ASIC2: variants seen among roughly 807,000 people sequenced by gnomAD.
ASIC2 encodes the protein acid-sensing ion channel 2.
In ASIC2, 25 loss-of-function variants were observed where a neutral mutation model predicts 57.3. The observed-to-expected ratio is 0.44, with a 90% CI of 0.32 to 0.61. ASIC2 has a LOEUF of 0.61. Among genes scored for constraint, ASIC2 ranks in the 20% least tolerant of loss-of-function variants. ASIC2 has a pLI of 0.06. For missense variants in ASIC2, 641 were observed against 738.1 expected, an observed-to-expected ratio of 0.87 and a Z score of 1.52; for synonymous variants, 319 against 307.5, an observed-to-expected ratio of 1.04 and a Z score of -0.39.
intron 1 of ASIC2, among the ~76,000 whole-genome samples, chr17:34,015,262 G>C (rs924156645): frequency 1.1e-4 from 17 of 151,956 alleles, no homozygotes; most frequent in African/African-American, 4.1e-4. Flanking sequence ...TGACAGAAAG[G>C]CTCTTACTTC....
intron 1 of ASIC2, among the ~76,000 whole-genome samples, chr17:34,113,812 C>T (rs1169639494): frequency 6.6e-6 from 1 of 151,800 alleles, no homozygotes; most frequent in Non-Finnish European, 1.5e-5. Flanking sequence ...GAGTTTGAGG[C>T]TGCAGTGAGC....
chr17:33,141,870 C>T (rs1904326575), intron 1 of ASIC2, among the ~76,000 whole-genome samples: 2 of 152,188 alleles, frequency 1.3e-5, no homozygotes, highest in African/African-American at 4.8e-5. Flanking sequence ...CTTGTGCTTT[C>T]TTAAAAACAC....
intron 1 of ASIC2, among the ~76,000 whole-genome samples, chr17:33,160,465 G>A (rs755993507): frequency 3.3e-5 from 5 of 152,114 alleles, no homozygotes; most frequent in African/African-American, 4.8e-5. Flanking sequence ...CTGTGCTTAC[G>A]TTCTGCCTTG....
chr17:33,464,518 T>C (rs1470011608), intron 1 of ASIC2, among the ~76,000 whole-genome samples: 21 of 40,758 alleles, frequency 5.2e-4, no homozygotes, highest in African/African-American at 1.2e-3. Flanking sequence ...CTTTCTTTCT[T>C]TCTTTCTTTC....
At chr17:34,028,278 T>C (rs1033853478) in intron 1 of ASIC2, among the ~76,000 whole-genome samples, 2 of 152,162 alleles carry the variant, frequency 1.3e-5, no homozygotes, top group African/African-American at 4.8e-5. Flanking sequence ...TGGACCCCAG[T>C]CCTGCTCATT....
chr17:33,509,982 G>A (rs1334459187), intron 1 of ASIC2, among the ~76,000 whole-genome samples: 1 of 152,194 alleles, frequency 6.6e-6, no homozygotes, highest in Non-Finnish European at 1.5e-5. Flanking sequence ...TACTGTAGTG[G>A]GGTTATGGAA....
At chr17:33,048,453 C>T (rs373360823) in intron 3 of ASIC2, among the ~76,000 whole-genome samples, 5 of 152,294 alleles carry the variant, frequency 3.3e-5, no homozygotes, top group African/African-American at 7.2e-5. Context: ...CACACTTGAA[C>T]GTATCTCTCA....
chr17:33,352,404 A>T (rs1456755754), intron 1 of ASIC2, among the ~76,000 whole-genome samples: 1 of 152,034 alleles, frequency 6.6e-6, no homozygotes, highest in African/African-American at 2.4e-5. Flanking sequence ...GCCACCCCCT[A>T]CATGGGAGGC....
intron 1 of ASIC2, chr17:33,794,829 A>G (rs1911869526): frequency 6.6e-6 from 1 of 152,192 alleles, no homozygotes; most frequent in African/African-American, 2.4e-5. Context: ...CAAAATGACC[A>G]GCAGCAGGTA....
chr17:33,292,888 G>C lies in ASIC2; in HGVS notation c.-773C>G, dbSNP rs1905558886. ...GGCGCCCGCTCTCGCCTGGGGCTGA[G>C]AGCTTCTCAGGGCGTCCTGCGGGAG... On this transcript the variant is annotated 5_prime_UTR_variant, in exon 1 of 10. Transcript: ENST00000225823. 2 of 985,426 alleles carry C rather than the reference G, an allele frequency of 2.0e-6. No individual in the cohort carries two copies. The highest frequency in any genetic ancestry group is 2.4e-6 in the Non-Finnish European group (2 of 830,018). The allele number at this position is 985,426 out of a possible 1,614,324, so 61.0% of individuals were successfully genotyped here.
At chr17:33,838,071 A>T (rs1913326178) in intron 1 of ASIC2, among the ~76,000 whole-genome samples, 1 of 152,148 alleles carries the variant, frequency 6.6e-6, no homozygotes, top group South Asian at 2.1e-4. Context: ...CTGCTGCTTG[A>T]GTCTAATAAA....
chr17:33,164,615 T>G (rs917712160), intron 1 of ASIC2, among the ~76,000 whole-genome samples: 14 of 151,008 alleles, frequency 9.3e-5, no homozygotes, highest in Non-Finnish European at 1.0e-4. Flanking sequence ...TATACACACA[T>G]GGTTATGCAC....
intron 1 of ASIC2, among the ~76,000 whole-genome samples, chr17:33,667,508 T>C (rs1361510086): frequency 6.6e-6 from 1 of 152,214 alleles, no homozygotes; most frequent in East Asian, 1.9e-4. Context: ...ACACAGTCCA[T>C]GATGGTGGTA....
intron 1 of ASIC2, among the ~76,000 whole-genome samples, chr17:33,884,244 C>T (rs1914771500): frequency 6.6e-6 from 1 of 152,150 alleles, no homozygotes. Flanking sequence ...ATTTCCCCAA[C>T]CCCAACCTGC....
chr17:33,996,364 G>A (rs961364054), intron 1 of ASIC2, among the ~76,000 whole-genome samples: 8 of 151,934 alleles, frequency 5.3e-5, no homozygotes, highest in East Asian at 1.9e-4. Flanking sequence ...ATGCAATCTC[G>A]TTTGTCTAGT....
At chr17:33,408,234 G>A (rs2141962968) in intron 1 of ASIC2, among the ~76,000 whole-genome samples, 1 of 152,276 alleles carries the variant, frequency 6.6e-6, no homozygotes, top group South Asian at 2.1e-4. Context: ...AACGTTTGTT[G>A]CATTTTGTGG....
At chr17:33,111,119 T>C (rs928441089) in intron 2 of ASIC2, among the ~76,000 whole-genome samples, 1 of 152,202 alleles carries the variant, frequency 6.6e-6, no homozygotes, top group Non-Finnish European at 1.5e-5. Context: ...CTCTTCTGTC[T>C]GACCTTCCTG....
At chr17:33,066,014 C>T (rs1385688089) in intron 3 of ASIC2, among the ~76,000 whole-genome samples, 1 of 152,120 alleles carries the variant, frequency 6.6e-6, no homozygotes, top group Non-Finnish European at 1.5e-5. Context: ...TCCCAACCTA[C>T]AACAGAAAGG....
intron 1 of ASIC2, among the ~76,000 whole-genome samples, chr17:33,488,113 A>T (rs1913633441): frequency 6.6e-6 from 1 of 152,190 alleles, no homozygotes; most frequent in Non-Finnish European, 1.5e-5. Context: ...GAGAAAATGC[A>T]TCTATTTTTC....
Sources: gnomAD v4.1 joint callset for allele counts (sites outside exome capture counted in the v4.1 genomes callset) on GRCh38, gnomAD v4.1.1 for gene constraint, MANE v1.5 for transcripts, NCBI Gene and HGNC (gene_info 2026-07-23, HGNC 2026-07-21) for gene names.